GMPR: variants seen among roughly 807,000 people sequenced by gnomAD.
GMPR encodes guanosine monophosphate reductase, also known as GMP reductase 1.
In GMPR, 31 loss-of-function variants were observed where a neutral mutation model predicts 38.4. That is an observed-to-expected ratio of 0.81 (90% CI 0.61 to 1.09). GMPR has a LOEUF of 1.09. Among genes scored for constraint, GMPR ranks in the 50% least tolerant of loss-of-function variants. The pLI is 0.00. For synonymous variants in GMPR, 162 were observed against 173.3 expected (o/e 0.93, Z 0.51); for missense variants, 468 against 453.7 (o/e 1.03, Z -0.29).
At position 16,272,907 on chromosome 6, in the gene GMPR, A is replaced by G. The variant is rs1022358079; in HGVS notation, c.466-1508A>G. Among the ~76,000 whole-genome samples, 34 of 152,046 alleles carry G rather than the reference A, an allele frequency of 2.2e-4. 2 individuals carry two copies. The highest frequency in any genetic ancestry group is 2.2e-3 in the Admixed American group (34 of 15,262). On this transcript the variant is annotated intron_variant, in intron 4 of 8. Coordinates refer to ENST00000259727, the MANE Select transcript of GMPR (RefSeq NM_006877.4). ...TCAAACTCCTGGGCTCGAGCAATCC[A>G]CTTACCTCAGCCTCCCAAGTGCTGT...
At chr6:16,242,470 T>G (rs1212781989) in intron 1 of GMPR, among the ~76,000 whole-genome samples, 4 of 152,044 alleles carry the variant, frequency 2.6e-5, no homozygotes. Context: ...CAGTCCAAGA[T>G]GTTGGCAGGG....
At chr6:16,291,234 A>AT (rs1390000615) in intron 8 of GMPR, among the ~76,000 whole-genome samples, 2 of 151,484 alleles carry the variant, frequency 1.3e-5, no homozygotes, top group African/African-American at 2.4e-5. Context: ...TTTTATTTTT[A>AT]TTTTTTTGTG....
chr6:16,242,700 G>T (rs1016338051), intron 1 of GMPR, among the ~76,000 whole-genome samples: 1 of 151,980 alleles, frequency 6.6e-6, no homozygotes, highest in Admixed American at 6.6e-5. Flanking sequence ...GTACAATGGC[G>T]TGATCTTGTC....
Position 16,238,677 on chromosome 6 carries a change from C to A in GMPR, c.-17C>A. ...CGCCCCGCCGTCGCCGCCGCCGCAG[C>A]CAGGAGCCGCTGCACCATGCCCCGC... On this transcript the variant is annotated 5_prime_UTR_variant, in exon 1 of 9. Transcript: ENST00000259727. The A allele has an allele frequency of 7.6e-7, 1 of 1,308,344 alleles. No individual in the cohort carries two copies. The highest frequency in any genetic ancestry group is 9.9e-7 in the Non-Finnish European group (1 of 1,006,264). 81.0% of individuals were successfully genotyped at this position (1,308,344 alleles called of 1,614,324 possible). A position where few individuals can be genotyped will look rare whatever the true frequency, so the allele number is the denominator to read the frequency against.
chr6:16,242,698 G>A (rs1395874703), intron 1 of GMPR, among the ~76,000 whole-genome samples: 2 of 152,036 alleles, frequency 1.3e-5, no homozygotes, highest in Non-Finnish European at 2.9e-5. Context: ...GAGTACAATG[G>A]CGTGATCTTG....
rs373093438 is a variant in GMPR at position 16,293,730 on chromosome 6, A to G, written c.858-1276A>G. ...GGAGAATTGCTTGAACCCAGGAGGC[A>G]GAGGTTGCAGTGAGCTGAGATTGCA... On this transcript the variant is annotated intron_variant, in intron 8 of 8. Coordinates refer to ENST00000259727, the MANE Select transcript of GMPR (RefSeq NM_006877.4). Among the ~76,000 whole-genome samples, 451 of 152,296 alleles carry G rather than the reference A, an allele frequency of 3.0e-3. 2 individuals are homozygous for G. The highest frequency in any genetic ancestry group is 0.01 in the African/African-American group (434 of 41,552).
intron 7 of GMPR, among the ~76,000 whole-genome samples, chr6:16,287,659 G>T (rs575015578): frequency 6.6e-6 from 1 of 152,194 alleles, no homozygotes; most frequent in Non-Finnish European, 1.5e-5. Flanking sequence ...GAGGTGCTGT[G>T]CTCCTGAATT....
chr6:16,268,882 A>C (rs1759323961), intron 4 of GMPR, among the ~76,000 whole-genome samples: 1 of 151,422 alleles, frequency 6.6e-6, no homozygotes, highest in African/African-American at 2.4e-5. Context: ...ATATTACATA[A>C]ATTTAAAATA....
At chr6:16,281,492 A>C (rs1759573098) in intron 6 of GMPR, among the ~76,000 whole-genome samples, 1 of 151,504 alleles carries the variant, frequency 6.6e-6, no homozygotes, top group Admixed American at 6.6e-5. Flanking sequence ...TTTAGTTTTT[A>C]CTTTTTTATT....
chr6:16,244,327 C>G (rs1437900704), intron 1 of GMPR, among the ~76,000 whole-genome samples: 2 of 151,900 alleles, frequency 1.3e-5, no homozygotes, highest in African/African-American at 2.4e-5. Context: ...ATCCTCCCAC[C>G]TCAGCCTCCT....
chr6:16,261,126 C>T (rs1355829443), intron 4 of GMPR, among the ~76,000 whole-genome samples: 1 of 151,852 alleles, frequency 6.6e-6, no homozygotes, highest in African/African-American at 2.4e-5. Context: ...AAGTTGTTTG[C>T]ACAGAAAGGC....
intron 3 of GMPR, among the ~76,000 whole-genome samples, chr6:16,252,907 A>G (rs1285628256): frequency 6.6e-6 from 1 of 152,234 alleles, no homozygotes; most frequent in Non-Finnish European, 1.5e-5. Flanking sequence ...CAGTCTCTGC[A>G]CTGCAGCCAC....
intron 1 of GMPR, among the ~76,000 whole-genome samples, chr6:16,242,358 C>G (rs144322838): frequency 9.9e-5 from 15 of 151,170 alleles, no homozygotes; most frequent in African/African-American, 3.2e-4. Context: ...TTAACCTTTG[C>G]CTGTATGCTG....
At chr6:16,274,601 C>A in intron 5 of GMPR, 105 bp downstream of exon 5, 1 of 695,368 alleles carries the variant, frequency 1.4e-6, no homozygotes, top group Non-Finnish European at 2.6e-6. Context: ...ATGACTCATT[C>A]ACAGATATTT....
intron 4 of GMPR, among the ~76,000 whole-genome samples, chr6:16,257,148 C>T (rs1758997588): frequency 6.6e-6 from 1 of 152,162 alleles, no homozygotes; most frequent in Admixed American, 6.5e-5. Context: ...AGTTAATAAT[C>T]CATTATGCCT....
At chr6:16,263,821 C>T (rs928318242) in intron 4 of GMPR, among the ~76,000 whole-genome samples, 1 of 150,170 alleles carries the variant, frequency 6.7e-6, no homozygotes, top group South Asian at 2.1e-4. Context: ...GATTGGGGTG[C>T]AGAGATAAGA....
intron 4 of GMPR, among the ~76,000 whole-genome samples, chr6:16,266,247 A>C (rs1759218230): frequency 1.3e-5 from 2 of 151,886 alleles, no homozygotes; most frequent in South Asian, 4.2e-4. Context: ...CACCTTTAAG[A>C]GCTGTAACAC....
In GMPR at chr6:16,290,318, C is replaced by G. The variant is rs1160168864; in HGVS notation, c.698-144C>G. Reference sequence around the variant, plus strand: ...CCTTCTCCCTTTTTCCAGGAGGAGACAGGCGAGAGAGGTCCAGCCTTTCTC... The same window carrying G: ...CCTTCTCCCTTTTTCCAGGAGGAGAGAGGCGAGAGAGGTCCAGCCTTTCTC... On this transcript the variant is annotated intron_variant, in intron 7 of 8. Coordinates refer to ENST00000259727, the MANE Select transcript of GMPR (RefSeq NM_006877.4). 25 of 721,852 alleles carry G rather than the reference C, an allele frequency of 3.5e-5. No homozygotes were observed. The East Asian group carries it at 6.2e-4, about 18-fold the overall frequency. 44.7% of individuals were successfully genotyped at this position (721,852 alleles called of 1,614,324 possible).
chr6:16,273,382 C>A (rs35426227), intron 4 of GMPR, among the ~76,000 whole-genome samples: 1 of 152,206 alleles, frequency 6.6e-6, no homozygotes, highest in Non-Finnish European at 1.5e-5. Context: ...TATATACTGG[C>A]TGAAGAATCC....
Sources: allele counts gnomAD v4.1 joint callset (sites outside exome capture counted in the v4.1 genomes callset), GRCh38; gene constraint gnomAD v4.1.1; transcripts MANE v1.5; gene names NCBI Gene and HGNC (gene_info 2026-07-23, HGNC 2026-07-21).